Variants in KCNH1 observed in about 807,000 individuals in gnomAD.
KCNH1 encodes voltage-gated delayed rectifier potassium channel KCNH1.
Under a neutral mutation model 69.2 loss-of-function variants are expected in KCNH1, and 27 were observed. That is an observed-to-expected ratio of 0.39 (90% confidence interval 0.29 to 0.54). The LOEUF is 0.54. KCNH1 is among the 20% of genes least tolerant of loss of function. The pLI, the probability that KCNH1 is intolerant of heterozygous loss-of-function variation, is 0.68. For missense variants in KCNH1, 798 were observed against 1,261.6 expected (o/e 0.63, Z 5.57); for synonymous variants, 456 against 487.7 (o/e 0.93, Z 0.86).
intron 10 of KCNH1, among the ~76,000 whole-genome samples, chr1:210,694,372 C>G (rs1681592035): frequency 6.6e-6 from 1 of 152,060 alleles, no homozygotes. Context: ...TTTTTTTCCC[C>G]TTAGTGACTG....
At chr1:210,855,294 A>T (rs1458730011) in intron 7 of KCNH1, among the ~76,000 whole-genome samples, 2 of 152,198 alleles carry the variant, frequency 1.3e-5, no homozygotes, top group Non-Finnish European at 2.9e-5. Flanking sequence ...CTAAGCAAAG[A>T]ATTTAAAAGA....
chr1:211,011,030 G>A (rs1036941666), intron 6 of KCNH1, among the ~76,000 whole-genome samples: 2 of 152,030 alleles, frequency 1.3e-5, no homozygotes, highest in African/African-American at 4.8e-5. Flanking sequence ...TGCAGAACAT[G>A]CAGGTTTGTT....
intron 6 of KCNH1, among the ~76,000 whole-genome samples, chr1:210,959,462 A>T (rs1688253139): frequency 6.6e-6 from 1 of 152,236 alleles, no homozygotes; most frequent in Admixed American, 6.5e-5. Flanking sequence ...GCTGACAGAC[A>T]TAGATGTTTA....
intron 10 of KCNH1, among the ~76,000 whole-genome samples, chr1:210,730,540 C>T (rs1682721241): frequency 6.6e-6 from 1 of 151,776 alleles, no homozygotes; most frequent in Non-Finnish European, 1.5e-5. Context: ...TTTGAGTGTG[C>T]CTAGTAATTA....
Position 210,780,937 on chromosome 1 carries a change from C to G in KCNH1, c.1916-5393G>C, listed in dbSNP as rs542658174. On this transcript the variant is annotated intron_variant, in intron 9 of 10. Transcript: ENST00000271751. ...TGGCAGGTGCCTGTAGTCCCAGCTA[C>G]TTGGGAGGCTGAGGCAGGAGAATGG... Among the ~76,000 whole-genome samples, 26 of 152,210 alleles carry G rather than the reference C, an allele frequency of 1.7e-4. No individual in the cohort carries two copies. The East Asian group carries it at 4.8e-3, about 28-fold the overall frequency.
At chr1:210,859,952 T>G in intron 7 of KCNH1, 3 of 1,579,934 alleles carry the variant, frequency 1.9e-6, no homozygotes, top group Non-Finnish European at 2.6e-6. Flanking sequence ...TAGTTCAAAG[T>G]TCACTTGTCT....
At chr1:210,817,647 G>A (rs1684845959) in intron 7 of KCNH1, among the ~76,000 whole-genome samples, 2 of 152,094 alleles carry the variant, frequency 1.3e-5, no homozygotes, top group Non-Finnish European at 2.9e-5. Context: ...CTGTCCTAAT[G>A]CTTACGTATA....
At chr1:210,767,015 T>C (rs1683649590) in intron 10 of KCNH1, among the ~76,000 whole-genome samples, 1 of 152,218 alleles carries the variant, frequency 6.6e-6, no homozygotes, top group African/African-American at 2.4e-5. Flanking sequence ...CCTCCATGAC[T>C]TACTGTCAAA....
intron 9 of KCNH1, among the ~76,000 whole-genome samples, chr1:210,793,372 T>C (rs1395111420): frequency 6.6e-6 from 1 of 152,198 alleles, no homozygotes; most frequent in Admixed American, 6.5e-5. Context: ...AAATACCAGG[T>C]TGCAACTCAC....
At chr1:210,948,829 A>G (rs1228619445) in intron 6 of KCNH1, among the ~76,000 whole-genome samples, 1 of 151,554 alleles carries the variant, frequency 6.6e-6, no homozygotes, top group East Asian at 1.9e-4. Context: ...CTCCATCTCA[A>G]AAAAAAGGAA....
chr1:210,842,774 C>A (rs1685438403), intron 7 of KCNH1, among the ~76,000 whole-genome samples: 1 of 152,116 alleles, frequency 6.6e-6, no homozygotes, highest in Admixed American at 6.6e-5. Context: ...TTACCACTGG[C>A]ATTACTGGCC....
chr1:210,786,971 T>C (rs1316925426), intron 9 of KCNH1, among the ~76,000 whole-genome samples: 1 of 152,176 alleles, frequency 6.6e-6, no homozygotes, highest in Non-Finnish European at 1.5e-5. Flanking sequence ...ATCTTGGCTT[T>C]TTCTACTCCA....
At chr1:210,748,310 T>C (rs988004222) in intron 10 of KCNH1, among the ~76,000 whole-genome samples, 2 of 152,106 alleles carry the variant, frequency 1.3e-5, no homozygotes, top group Admixed American at 1.3e-4. Flanking sequence ...AACACACACA[T>C]CTCACACTCA....
intron 6 of KCNH1, among the ~76,000 whole-genome samples, chr1:210,983,847 A>C (rs1423008329): frequency 6.6e-6 from 1 of 152,196 alleles, no homozygotes; most frequent in Admixed American, 6.5e-5. Context: ...CATTCAATCT[A>C]TAAATTACTT....
chr1:210,919,081 A>G lies in KCNH1; in HGVS notation c.1462+559T>C, dbSNP rs1170316323. On this transcript the variant is annotated intron_variant, in intron 7 of 10. Transcript: ENST00000271751. The surrounding 1 kb of genome is among the most constrained non-coding windows in gnomAD (Gnocchi z 4.2). ...AATAATACTGTAATGCCTACAGGAA[A>G]TTTGCTGAGAGAGCAGATTTCAAGT... 6.5e-6 allele frequency: 1 copy of G among 153,502 alleles called. No individual in the cohort carries two copies. The highest frequency in any genetic ancestry group is 2.4e-5 in the African/African-American group (1 of 41,462). The allele number at this position is 153,502 out of a possible 1,614,324, so 9.5% of individuals were successfully genotyped here.
rs1236083123 is a variant in KCNH1 at position 210,860,843 on chromosome 1, G to A, written c.1463-56677C>T. 6 of 913,568 alleles carry A rather than the reference G, an allele frequency of 6.6e-6. No homozygotes were observed. In the East Asian group the frequency reaches 9.6e-5, roughly 15 times the overall value. The allele number at this position is 913,568 out of a possible 1,614,324, so 56.6% of individuals were successfully genotyped here. A position where few individuals can be genotyped will look rare whatever the true frequency, so the allele number is the denominator to read the frequency against. ...AACTTTACTTCACAAAAATAGTGAA[G>A]TACTCAGCAAGCCCTTGCTCTCATG... On this transcript the variant is annotated intron_variant, in intron 7 of 10. Transcript: ENST00000271751.
chr1:210,941,905 T>G (rs1052779709), intron 6 of KCNH1, among the ~76,000 whole-genome samples: 2 of 152,160 alleles, frequency 1.3e-5, no homozygotes, highest in African/African-American at 4.8e-5. Flanking sequence ...ACAAATAGAT[T>G]TAAAGCCCTT....
chr1:210,890,381 A>G (rs2102521471), intron 7 of KCNH1, among the ~76,000 whole-genome samples: 1 of 152,366 alleles, frequency 6.6e-6, no homozygotes, highest in African/African-American at 2.4e-5. Flanking sequence ...TACACTTTAT[A>G]CAAAAATTAA....
chr1:211,006,662 T>TAA (rs1689292403), intron 6 of KCNH1, among the ~76,000 whole-genome samples: 2 of 152,140 alleles, frequency 1.3e-5, no homozygotes, highest in Non-Finnish European at 2.9e-5. Flanking sequence ...AAAGCATATT[T>TAA]CTGTTTTAAA....
Sources: allele counts gnomAD v4.1 joint callset (sites outside exome capture counted in the v4.1 genomes callset), GRCh38; gene constraint gnomAD v4.1.1; non-coding constraint Gnocchi (gnomAD v3.1); transcripts MANE v1.5; gene names NCBI Gene and HGNC (gene_info 2026-07-23, HGNC 2026-07-21).